Variants in COLEC11 observed in about 807,000 individuals in gnomAD.
COLEC11 encodes collectin subfamily member 11.
A neutral mutation model predicts 27.3 loss-of-function variants in COLEC11; 20 were observed. That is an observed-to-expected ratio of 0.73 (90% confidence interval 0.51 to 1.06). COLEC11 has a LOEUF of 1.06. Among genes scored for constraint, COLEC11 ranks in the 50% least tolerant of loss-of-function variants. COLEC11 has a pLI of 0.00. For missense variants in COLEC11, 310 were observed against 383.0 expected, an observed-to-expected ratio of 0.81 and a Z score of 1.59; for synonymous variants, 163 against 154.7, an observed-to-expected ratio of 1.05 and a Z score of -0.40.
intron 3 of COLEC11, among the ~76,000 whole-genome samples, chr2:3,615,855 G>A (rs1157404245): frequency 1.1e-4 from 14 of 127,734 alleles, no homozygotes; most frequent in African/African-American, 4.7e-4. Flanking sequence ...GGCAGGGGCT[G>A]CCCCCCACCT....
chr2:3,634,458 GCCT>G (rs1665236262), intron 3 of COLEC11, among the ~76,000 whole-genome samples: 2 of 152,192 alleles, frequency 1.3e-5, no homozygotes, highest in South Asian at 4.1e-4. Flanking sequence ...ACTGTACCGT[GCCT>G]CCTCCTGCAG....
intron 3 of COLEC11, among the ~76,000 whole-genome samples, chr2:3,615,675 G>A (rs913984051): frequency 2.7e-4 from 41 of 152,060 alleles, no homozygotes; most frequent in African/African-American, 8.4e-4. Context: ...ACGGGGTGGC[G>A]GCCGGGCAGA....
chr2:3,613,709 G>A (rs1451048278), intron 3 of COLEC11, among the ~76,000 whole-genome samples: 1 of 152,196 alleles, frequency 6.6e-6, no homozygotes, highest in African/African-American at 2.4e-5. Flanking sequence ...AATCAGTGTC[G>A]TTATGAAGGC....
intron 1 of COLEC11, 100 bp from the exon 2 acceptor site, chr2:3,604,215 C>G (rs530610582): frequency 1.5e-6 from 2 of 1,317,968 alleles, no homozygotes; most frequent in Non-Finnish European, 2.1e-6. Context: ...CCCTTCCAGG[C>G]ACCAGGAGGG....
intron 3 of COLEC11, among the ~76,000 whole-genome samples, chr2:3,622,366 A>G (rs1664246721): frequency 6.6e-6 from 1 of 152,068 alleles, no homozygotes; most frequent in African/African-American, 2.4e-5. Flanking sequence ...TATTGTGGCT[A>G]TAGTTATTTT....
chr2:3,616,908 A>T lies in COLEC11; in HGVS notation c.202+3526A>T, dbSNP rs530245259. On this transcript the variant is annotated intron_variant, in intron 3 of 6. Coordinates refer to ENST00000349077, the MANE Select transcript of COLEC11 (RefSeq NM_024027.5). ...AGGTCACAAATGCTGGGATTTTCTTATATTTCAAGACTGAATAATATTCCG... is the reference window on the plus strand; with the variant it reads ...AGGTCACAAATGCTGGGATTTTCTTTTATTTCAAGACTGAATAATATTCCG... Among the ~76,000 whole-genome samples, 3 of 152,326 alleles carry T rather than the reference A, an allele frequency of 2.0e-5. No individual in the cohort carries two copies. In the South Asian group the frequency reaches 6.2e-4, roughly 32 times the overall value.
At chr2:3,630,235 G>T (rs1664896415) in intron 3 of COLEC11, among the ~76,000 whole-genome samples, 1 of 152,102 alleles carries the variant, frequency 6.6e-6, no homozygotes, top group African/African-American at 2.4e-5. Flanking sequence ...TGCATATCAG[G>T]GTAGTACGTA....
chr2:3,627,755 A>G (rs1664668665), intron 3 of COLEC11, among the ~76,000 whole-genome samples: 3 of 151,124 alleles, frequency 2.0e-5, no homozygotes, highest in African/African-American at 7.3e-5. Context: ...AGGTATGACG[A>G]TGCTGGGCAT....
chr2:3,626,197 C>A, intron 3 of COLEC11: 1 of 961,336 alleles, frequency 1.0e-6, no homozygotes, highest in Non-Finnish European at 1.7e-6. Context: ...AGAACTGGAG[C>A]AGAAGCCCCA....
chr2:3,607,647 C>G (rs1489784799), intron 2 of COLEC11, among the ~76,000 whole-genome samples: 1 of 152,040 alleles, frequency 6.6e-6, no homozygotes, highest in Non-Finnish European at 1.5e-5. Flanking sequence ...CGGGGTTTCA[C>G]CATGTTATCC....
At chr2:3,611,863 G>A in intron 2 of COLEC11, among the ~76,000 whole-genome samples, 1 of 152,100 alleles carries the variant, frequency 6.6e-6, no homozygotes, top group East Asian at 1.9e-4. Context: ...AAGACAAGGT[G>A]TGTGGGCCAC....
chr2:3,596,400 C>T (rs374759631), intron 1 of COLEC11, among the ~76,000 whole-genome samples: 2 of 150,380 alleles, frequency 1.3e-5, no homozygotes, highest in Non-Finnish European at 1.5e-5. Context: ...GCAATGGCAC[C>T]GTCTTGGCTC....
At chr2:3,617,533 G>A in intron 3 of COLEC11, 2 of 1,547,462 alleles carry the variant, frequency 1.3e-6, no homozygotes, top group Non-Finnish European at 1.8e-6. Context: ...GTGCATATTG[G>A]CGGCGCACGC....
chr2:3,617,578 A>G (rs1663860601), intron 3 of COLEC11: 1 of 1,608,856 alleles, frequency 6.2e-7, no homozygotes, highest in Non-Finnish European at 8.5e-7. Flanking sequence ...TCTCCTGTTC[A>G]GTCGTTTCTT....
Position 3,619,169 on chromosome 2 carries a change from C to CCTCCCTCCCTCCCT in COLEC11, c.202+5794_202+5807dup, listed in dbSNP as rs1164588207. ...TGGATCCCTCCCTCCTTCTTTCCCG[C>CCTCCCTCCCTCCCT]CTCCCTCCCTCCCTCTCCCTTTCTC... On this transcript the variant is annotated intron_variant, in intron 3 of 6. Transcript: ENST00000349077. Among the ~76,000 whole-genome samples, 111 of 151,532 alleles carry CCTCCCTCCCTCCCT rather than the reference C, an allele frequency of 7.3e-4. No individual in the cohort carries two copies. The East Asian group carries it at 0.019, about 25-fold the overall frequency.
intron 2 of COLEC11, among the ~76,000 whole-genome samples, chr2:3,609,726 C>T (rs1356528529): frequency 1.3e-5 from 2 of 152,174 alleles, no homozygotes; most frequent in South Asian, 2.1e-4. Context: ...GACGGGGTTT[C>T]ACCATGTTGA....
At chr2:3,628,807 C>T (rs944439361) in intron 3 of COLEC11, among the ~76,000 whole-genome samples, 2 of 152,262 alleles carry the variant, frequency 1.3e-5, no homozygotes. Context: ...GAACTCCACA[C>T]CTGCTTTGAG....
chr2:3,628,350 C>T (rs1384396476), intron 3 of COLEC11, among the ~76,000 whole-genome samples: 5 of 152,376 alleles, frequency 3.3e-5, no homozygotes, highest in African/African-American at 7.2e-5. Flanking sequence ...GGAGGTGGGG[C>T]TCTGCTTCAG....
rs1665743599 is a variant in COLEC11 at position 3,640,188 on chromosome 2, A to C, written c.275-90A>C. 4 of 839,196 alleles carry C rather than the reference A, an allele frequency of 4.8e-6. No individual in the cohort carries two copies. In the African/African-American group the frequency reaches 5.0e-5, roughly 10 times the overall value. 52.0% of individuals were successfully genotyped at this position (839,196 alleles called of 1,614,324 possible). Reference sequence around the variant, plus strand: ...CAAGAGGGCCTGGGATAAATCCGCGAGACAAATCACATTTTCAGTCTTGAT... The same window carrying C: ...CAAGAGGGCCTGGGATAAATCCGCGCGACAAATCACATTTTCAGTCTTGAT... On this transcript the variant is annotated intron_variant, in intron 4 of 6. Coordinates refer to ENST00000349077, the MANE Select transcript of COLEC11 (RefSeq NM_024027.5).
Sources: allele counts gnomAD v4.1 joint callset (sites outside exome capture counted in the v4.1 genomes callset), GRCh38; gene constraint gnomAD v4.1.1; transcripts MANE v1.5; gene names NCBI Gene and HGNC (gene_info 2026-07-23, HGNC 2026-07-21).